DMD: variants seen among roughly 807,000 people sequenced by gnomAD.
DMD encodes mutant dystrophin.
DMD carries 63 observed loss-of-function variants against 330.1 expected under a neutral mutation model. That is an observed-to-expected ratio of 0.19 (90% CI 0.16 to 0.24). DMD has a LOEUF of 0.24. Ranked by LOEUF, DMD falls within the 10% of genes least tolerant of loss-of-function variation. The pLI, the probability that DMD is intolerant of heterozygous loss-of-function variation, is 1.00. For missense variants in DMD, 3,344 were observed against 2,684.1 expected (o/e 1.25, Z -5.43); for synonymous variants, 1,223 against 959.8 (o/e 1.27, Z -5.07).
chrX:32,998,579 T>A (rs770670087), intron 2 of DMD, among the ~76,000 whole-genome samples: 1 of 108,599 alleles, frequency 9.2e-6, no homozygotes, highest in Non-Finnish European at 1.9e-5. Context: ...AGATTTTAAT[T>A]ACTTTAAAGT....
At chrX:32,611,963 T>TG (rs1053155279) in intron 12 of DMD, among the ~76,000 whole-genome samples, 1 of 111,967 alleles carries the variant, frequency 8.9e-6, no homozygotes, top group African/African-American at 3.2e-5. Flanking sequence ...ATTTAGTTAG[T>TG]GGTAGAACTG....
intron 2 of DMD, among the ~76,000 whole-genome samples, chrX:32,974,783 T>C (rs2092489087): frequency 8.9e-6 from 1 of 111,754 alleles, no homozygotes. Context: ...GGCTGTGAAA[T>C]AGTTCTTCTG....
At chrX:31,230,571 C>T (rs145391253) in intron 63 of DMD, among the ~76,000 whole-genome samples, 1,461 of 109,930 alleles carry the variant, frequency 0.013, 9 homozygotes, top group Non-Finnish European at 0.021. Flanking sequence ...ATTGCTTGAA[C>T]CCAGGAGGTG....
At chrX:31,995,111 TC>T (rs1170441798) in intron 44 of DMD, among the ~76,000 whole-genome samples, 1 of 111,844 alleles carries the variant, frequency 8.9e-6, no homozygotes, top group Non-Finnish European at 1.9e-5. Flanking sequence ...GGATGGCATT[TC>T]CGAAGTTCCA....
intron 2 of DMD, among the ~76,000 whole-genome samples, chrX:32,925,338 G>C (rs542434865): frequency 9.1e-6 from 1 of 109,439 alleles, no homozygotes; most frequent in African/African-American, 3.3e-5. Context: ...ATTGTATTCC[G>C]GAAGACTTCT....
At chrX:31,288,927 T>G (rs2053439216) in intron 62 of DMD, among the ~76,000 whole-genome samples, 1 of 111,237 alleles carries the variant, frequency 9.0e-6, no homozygotes, top group African/African-American at 3.3e-5. Context: ...TTTTTGTATA[T>G]ATAACTAGTA....
intron 59 of DMD, among the ~76,000 whole-genome samples, chrX:31,466,768 C>T (rs909469112): frequency 2.7e-5 from 3 of 111,606 alleles, no homozygotes; most frequent in Admixed American, 1.9e-4. Context: ...GCCATTTTCA[C>T]GATATTGATT....
At chrX:32,883,880 T>C (rs1187330740) in intron 2 of DMD, among the ~76,000 whole-genome samples, 2 of 105,722 alleles carry the variant, frequency 1.9e-5, no homozygotes, top group Non-Finnish European at 3.9e-5. Flanking sequence ...ATCCAAAATT[T>C]AGGCTCTTAA....
chrX:32,747,917 A>G (rs752653931), intron 7 of DMD, among the ~76,000 whole-genome samples: 2 of 112,394 alleles, frequency 1.8e-5, no homozygotes, highest in East Asian at 5.6e-4. Context: ...TTCTATATGT[A>G]GGCTTTGAAT....
At chrX:32,553,522 A>T (rs762733287) in intron 16 of DMD, among the ~76,000 whole-genome samples, 7 of 111,140 alleles carry the variant, frequency 6.3e-5, no homozygotes, top group Non-Finnish European at 1.1e-4. Flanking sequence ...CATGCAATTT[A>T]TCTATATGAC....
At chrX:31,191,754 G>A (rs939227767) in intron 67 of DMD, among the ~76,000 whole-genome samples, 2 of 111,508 alleles carry the variant, frequency 1.8e-5, no homozygotes, top group African/African-American at 3.3e-5. Context: ...TATCAGCAGC[G>A]TGAAAACGGA....
chrX:31,969,612 G>A (rs866464598), intron 44 of DMD, among the ~76,000 whole-genome samples: 1 of 111,499 alleles, frequency 9.0e-6, no homozygotes, highest in East Asian at 2.8e-4. Flanking sequence ...CTTCCTAAAT[G>A]AAGGAAGGAA....
chrX:32,249,778 A>C, intron 43 of DMD, among the ~76,000 whole-genome samples: 1 of 111,396 alleles, frequency 9.0e-6, no homozygotes, highest in South Asian at 3.8e-4. Flanking sequence ...ATTTCTTTCT[A>C]TTCTTGTCCT....
At chrX:31,705,343 T>G (rs1465127568) in intron 52 of DMD, among the ~76,000 whole-genome samples, 1 of 113,031 alleles carries the variant, frequency 8.8e-6, no homozygotes, top group Non-Finnish European at 1.9e-5. Flanking sequence ...GAATGCATCA[T>G]CTGGTACATG....
In DMD at chrX:32,791,915, A is replaced by C. The variant is rs767930701; in HGVS notation, c.649+17578T>G. On this transcript the variant is annotated intron_variant, in intron 7 of 78. Transcript: ENST00000357033. Reference sequence around the variant, plus strand: ...TCTCAAAAAGGGATACAATTCAAAAATGTCTTGTCCATGACACATTATAGC... The same window carrying C: ...TCTCAAAAAGGGATACAATTCAAAACTGTCTTGTCCATGACACATTATAGC... Among the ~76,000 whole-genome samples, 23 of 111,967 alleles carry C rather than the reference A, an allele frequency of 2.1e-4. No individual in the cohort carries two copies. In the South Asian group the frequency reaches 6.7e-3, roughly 32 times the overall value.
intron 62 of DMD, among the ~76,000 whole-genome samples, chrX:31,289,282 A>AC (rs2053497375): frequency 1.2e-5 from 1 of 81,460 alleles, no homozygotes; most frequent in Non-Finnish European, 2.3e-5. Context: ...ATAAAATAAA[A>AC]TCCATCTCAA....
At chrX:32,304,839 A>G (rs957926355) in intron 42 of DMD, among the ~76,000 whole-genome samples, 1 of 111,641 alleles carries the variant, frequency 9.0e-6, no homozygotes. Flanking sequence ...CAGTTTCTAC[A>G]AAGTCACAAT....
intron 5 of DMD, among the ~76,000 whole-genome samples, chrX:32,822,411 G>C (rs539884090): frequency 9.1e-6 from 1 of 109,843 alleles, no homozygotes; most frequent in Admixed American, 9.8e-5. Flanking sequence ...TGTGTATAAC[G>C]AGTTACTATT....
intron 59 of DMD, among the ~76,000 whole-genome samples, chrX:31,468,361 G>A (rs764705655): frequency 5.4e-5 from 6 of 111,940 alleles, no homozygotes; most frequent in Admixed American, 9.5e-5. Flanking sequence ...ATTCTGGTCC[G>A]TTGTGTATTT....
Sources: allele counts gnomAD v4.1 joint callset (sites outside exome capture counted in the v4.1 genomes callset), GRCh38; gene constraint gnomAD v4.1.1; transcripts MANE v1.5; gene names NCBI Gene and HGNC (gene_info 2026-07-23, HGNC 2026-07-21).